ENPEP: variants seen among roughly 807,000 people sequenced by gnomAD.
ENPEP encodes the protein AP-A.
ENPEP carries 103 observed loss-of-function variants against 114.5 expected under a neutral mutation model. That is an observed-to-expected ratio of 0.90 (90% CI 0.77 to 1.06). ENPEP has a LOEUF of 1.06. Ranked by LOEUF, ENPEP falls within the 50% of genes least tolerant of loss-of-function variation. The probability of loss-of-function intolerance (pLI) is 0.00; values close to 1 mark genes in which losing one functional copy is unlikely to be tolerated. For missense variants in ENPEP, 1,196 were observed against 1,161.3 expected (o/e 1.03, Z -0.43); for synonymous variants, 420 against 422.0 (o/e 1.00, Z 0.06).
chr4:110,521,951 C>T (rs1351559991), intron 10 of ENPEP, among the ~76,000 whole-genome samples: 2 of 151,620 alleles, frequency 1.3e-5, no homozygotes, highest in Non-Finnish European at 2.9e-5. Flanking sequence ...CAATGTCAGC[C>T]CACTGCAACC....
intron 19 of ENPEP, 41 bp from the exon 20 acceptor site, chr4:110,561,365 G>A (rs1216359872): frequency 1.3e-6 from 2 of 1,595,682 alleles, no homozygotes; most frequent in Admixed American, 3.6e-5. Flanking sequence ...GACTAATTTG[G>A]CTATAAATGA....
intron 11 of ENPEP, among the ~76,000 whole-genome samples, chr4:110,538,993 G>A (rs1011920483): frequency 1.3e-5 from 2 of 152,074 alleles, no homozygotes; most frequent in African/African-American, 2.4e-5. Flanking sequence ...GGTGTGGTTC[G>A]TGGCTCCCCA....
At chr4:110,550,226 CAT>C (rs1470958120) in intron 17 of ENPEP, among the ~76,000 whole-genome samples, 3 of 152,080 alleles carry the variant, frequency 2.0e-5, no homozygotes, top group African/African-American at 4.8e-5. Context: ...TTTACACAAA[CAT>C]GTGTAATGGA....
chr4:110,515,349 T>G, intron 7 of ENPEP, 28 bp from the exon 8 acceptor site: 1 of 1,581,886 alleles, frequency 6.3e-7, no homozygotes, highest in Non-Finnish European at 8.7e-7. Flanking sequence ...CTTTATTAGT[T>G]TCATTTGTCT....
Position 110,510,610 on chromosome 4 carries a change from GAA to G in ENPEP, c.1308+267_1308+268del, listed in dbSNP as rs55693513. On this transcript the variant is annotated intron_variant, in intron 6 of 19. Coordinates refer to ENST00000265162, the MANE Select transcript of ENPEP (RefSeq NM_001977.4). ...CACTCAAAACACATTATCAAGGCAG[GAA>G]AAAAAAAAAAAAAACAGGTGGCATA... Among the ~76,000 whole-genome samples, 897 of 136,040 alleles carry G rather than the reference GAA, an allele frequency of 6.6e-3. 21 individuals are homozygous for G. Among genetic ancestry groups the G allele is most frequent in the South Asian group, 0.052 (219 of 4,212 alleles). 89.2% of individuals were successfully genotyped at this position (136,040 alleles called of 152,430 possible). A position where few individuals can be genotyped will look rare whatever the true frequency, so the allele number is the denominator to read the frequency against.
intron 1 of ENPEP, among the ~76,000 whole-genome samples, chr4:110,478,419 G>A (rs1303345277): frequency 2.9e-5 from 3 of 104,134 alleles, no homozygotes; most frequent in Admixed American, 1.0e-4. Context: ...TTATCAAAAA[G>A]GATAATCAAA....
chr4:110,558,032 AT>A (rs201439917), intron 18 of ENPEP, among the ~76,000 whole-genome samples: 27 of 103,204 alleles, frequency 2.6e-4, no homozygotes, highest in Non-Finnish European at 3.4e-4. Flanking sequence ...ATATGGTAGG[AT>A]TTTTTTTTTT....
chr4:110,510,172 G>A (rs886720221), intron 5 of ENPEP, 73 bp from the exon 6 acceptor site: 20 of 1,263,392 alleles, frequency 1.6e-5, no homozygotes, highest in Non-Finnish European at 2.2e-5. Context: ...ACAAATAAAT[G>A]TTTTGACATT....
In ENPEP at chr4:110,509,824, C is replaced by G. The variant is rs763972297; in HGVS notation, c.1194+17C>G. The G allele has an allele frequency of 1.2e-6, 2 of 1,600,018 alleles. No homozygotes were observed. The highest frequency in any genetic ancestry group is 1.3e-5 in the African/African-American group (1 of 74,324). On this transcript the variant is annotated intron_variant, in intron 5 of 19. Coordinates refer to ENST00000265162, the MANE Select transcript of ENPEP (RefSeq NM_001977.4). ...GTGCATCAGGTACAGAATCTTAGCA[C>G]TGAATCAGCTTGTTTTTTTAAAGTG... is the stretch of plus-strand genomic sequence containing the variant.
In ENPEP at chr4:110,542,775, C is replaced by A; in HGVS notation, c.1832C>A (p.Pro611His). 1 of 1,612,362 alleles carries A rather than the reference C, an allele frequency of 6.2e-7. No individual in the cohort carries two copies. The highest frequency in any genetic ancestry group is 8.5e-7 in the Non-Finnish European group (1 of 1,178,832). Reference protein sequence around the residue: ...KEGITLNSSNPSGNAFLKINP... With the variant: ...KEGITLNSSNHSGNAFLKINP... ...GGAATCACTTTGAACTCCTCTAATC[C>A]TAGTGGAAATGCTTTTCTCAAAATA... Residue 611 changes from proline to histidine, a missense_variant, in exon 12 of 20, where the codon CCT (proline) becomes CAT (histidine). By Grantham distance (77) the Pro-to-His change is moderately conservative. Coordinates refer to ENST00000265162, the MANE Select transcript of ENPEP (RefSeq NM_001977.4).
intron 7 of ENPEP, among the ~76,000 whole-genome samples, chr4:110,514,916 G>C (rs1725704047): frequency 6.6e-6 from 1 of 152,050 alleles, no homozygotes; most frequent in Non-Finnish European, 1.5e-5. Context: ...TAAGCTATTT[G>C]ACCAGATAAT....
intron 13 of ENPEP, 89 bp from the exon 14 acceptor site, chr4:110,548,087 A>G (rs1286521897): frequency 1.5e-5 from 20 of 1,331,496 alleles, no homozygotes; most frequent in African/African-American, 3.0e-5. Flanking sequence ...TTTGATCGCC[A>G]AAACTTTCAG....
chr4:110,516,742 A>G (rs149869877), intron 8 of ENPEP, among the ~76,000 whole-genome samples: 1 of 152,354 alleles, frequency 6.6e-6, no homozygotes, highest in East Asian at 1.9e-4. Context: ...AAAGTAAGAA[A>G]TAAAGTCAAG....
chr4:110,489,036 CTATT>C (rs1438616329), intron 2 of ENPEP, among the ~76,000 whole-genome samples: 1 of 152,068 alleles, frequency 6.6e-6, no homozygotes, highest in Middle Eastern at 3.2e-3. Flanking sequence ...GGGCTACTCA[CTATT>C]TAGTTTTCAG....
intron 3 of ENPEP, 100 bp downstream of exon 3, chr4:110,491,264 C>G: frequency 2.6e-6 from 3 of 1,165,296 alleles, no homozygotes; most frequent in Non-Finnish European, 3.5e-6. Context: ...AAACAACATG[C>G]CTGAAAAGCC....
intron 11 of ENPEP, among the ~76,000 whole-genome samples, chr4:110,540,429 T>C (rs889064029): frequency 1.2e-4 from 18 of 152,202 alleles, no homozygotes; most frequent in African/African-American, 2.2e-4. Context: ...AAAAAAATAG[T>C]AAATGGAGTA....
In ENPEP at chr4:110,509,685, G is replaced by A; in HGVS notation, c.1072G>A (p.Ala358Thr). 6.2e-7 allele frequency: 1 copy of A among 1,613,674 alleles called. No homozygotes were observed. The highest frequency in any genetic ancestry group is 1.1e-5 in the South Asian group (1 of 90,878). Residue 358 changes from alanine (A) to threonine (T), a missense_variant, in exon 5 of 20, where the codon GCC becomes ACC. Physicochemically the swap from Ala to Thr is moderately conservative, Grantham distance 58. Transcript: ENST00000265162. ...CGCTATTCCAGATTTTGGCACTGGT[G>A]CCATGGAGAACTGGGGACTCATCAC... ...KIAIPDFGTG[A>T]MENWGLITYR... is the part of the protein sequence containing the mutation.
intron 10 of ENPEP, among the ~76,000 whole-genome samples, chr4:110,528,320 C>T (rs565307857): frequency 1.3e-5 from 2 of 152,114 alleles, no homozygotes; most frequent in Non-Finnish European, 2.9e-5. Flanking sequence ...TAAGAAAGAA[C>T]CATTATAGCA....
chr4:110,495,481 G>A (rs778417517), intron 3 of ENPEP, among the ~76,000 whole-genome samples: 14 of 152,188 alleles, frequency 9.2e-5, no homozygotes, highest in Admixed American at 7.2e-4. Flanking sequence ...AGCACTTTGG[G>A]AGGCTGAGGT....
Sources: gnomAD v4.1 joint callset for allele counts (sites outside exome capture counted in the v4.1 genomes callset) on GRCh38, gnomAD v4.1.1 for gene constraint, MANE v1.5 for transcripts, NCBI Gene and HGNC (gene_info 2026-07-23, HGNC 2026-07-21) for gene names.